KDM4B: variants seen among roughly 807,000 people sequenced by gnomAD.
KDM4B encodes lysine-specific demethylase 4B.
In KDM4B, 32 loss-of-function variants were observed where a neutral mutation model predicts 125.2. That is an observed-to-expected ratio of 0.26 (90% CI 0.19 to 0.34). KDM4B has a LOEUF of 0.34. Ranked by LOEUF, KDM4B falls within the 10% of genes least tolerant of loss-of-function variation. The pLI, the probability that KDM4B is intolerant of heterozygous loss-of-function variation, is 1.00. For synonymous variants in KDM4B, 721 were observed against 677.9 expected (o/e 1.06, Z -0.99); for missense variants, 1,190 against 1,577.7 (o/e 0.75, Z 4.16).
chr19:4,984,181 C>T lies in KDM4B; in HGVS notation c.-109+14951C>T, dbSNP rs968313984. The stretch of plus-strand genomic sequence containing the variant: ...AGGCTCCAGGCCAGCATCCACCGAG[C>T]GGAGGCTGAGGCCCCAATCCAGAGT... On this transcript the variant is annotated intron_variant, in intron 1 of 22. Coordinates refer to ENST00000159111, the MANE Select transcript of KDM4B (RefSeq NM_015015.3). Among the ~76,000 whole-genome samples, 24 of 152,168 alleles carry T rather than the reference C, an allele frequency of 1.6e-4. 1 individual carries two copies. The highest frequency in any genetic ancestry group is 1.3e-4 in the Admixed American group (2 of 15,272).
chr19:5,002,659 G>A (rs1055776348), intron 1 of KDM4B, among the ~76,000 whole-genome samples: 1 of 150,744 alleles, frequency 6.6e-6, no homozygotes, highest in Admixed American at 6.6e-5. Flanking sequence ...GCCACACCTG[G>A]CTAATTAAAA....
chr19:5,082,003 G>T lies in KDM4B; in HGVS notation c.781-364G>T, dbSNP rs958914229. On this transcript the variant is annotated intron_variant, in intron 8 of 22. Transcript: ENST00000159111. This position sits in a 1 kb window ranked among gnomAD's most constrained non-coding sequence, Gnocchi z 5.4. ...GAGGCCCCCATCGCTCCCCATGAAGGTCCGGCTGGAGACACCCCCACGGGC... is the reference window on the plus strand; with the variant it reads ...GAGGCCCCCATCGCTCCCCATGAAGTTCCGGCTGGAGACACCCCCACGGGC... 6.6e-5 allele frequency among the ~76,000 whole-genome samples: 10 copies of T among 152,102 alleles called. No individual in the cohort carries two copies. The highest frequency in any genetic ancestry group is 2.4e-4 in the African/African-American group (10 of 41,426).
chr19:5,060,446 AAAAAAAAAAAAAAAAAAG>A (rs1391600964), intron 6 of KDM4B, among the ~76,000 whole-genome samples: 23 of 141,482 alleles, frequency 1.6e-4, no homozygotes, highest in South Asian at 2.3e-4. Context: ...AAAAAAAAAA[AAAAAAAAAAAAAAAAAAG>A]GGAGCCATGA....
intron 21 of KDM4B, among the ~76,000 whole-genome samples, chr19:5,147,155 A>G (rs1181061525): frequency 6.6e-6 from 1 of 152,116 alleles, no homozygotes; most frequent in East Asian, 1.9e-4. Flanking sequence ...TCCAGAGATC[A>G]GGCTGAGCAT....
At chr19:5,009,235 G>C (rs1454636870) in intron 1 of KDM4B, among the ~76,000 whole-genome samples, 1 of 152,044 alleles carries the variant, frequency 6.6e-6, no homozygotes, top group African/African-American at 2.4e-5. Flanking sequence ...TTCCTTTATT[G>C]AGCCATGCCA....
intron 15 of KDM4B, 138 bp downstream of exon 15, chr19:5,135,699 G>A (rs1462738235): frequency 2.8e-6 from 2 of 706,314 alleles, no homozygotes; most frequent in Non-Finnish European, 4.6e-6. Context: ...GGCCAGGGCA[G>A]GGGCCTCCCC....
At chr19:5,106,707 C>G (rs1458397723) in intron 9 of KDM4B, among the ~76,000 whole-genome samples, 1 of 152,224 alleles carries the variant, frequency 6.6e-6, no homozygotes, top group Non-Finnish European at 1.5e-5. Flanking sequence ...AGGCTGCCCC[C>G]TGACATGAGC....
intron 1 of KDM4B, among the ~76,000 whole-genome samples, chr19:4,972,514 G>T (rs947206292): frequency 6.6e-6 from 1 of 152,152 alleles, no homozygotes; most frequent in Non-Finnish European, 1.5e-5. Context: ...TGGCGGGGCT[G>T]TCCTGGGCAC....
chr19:5,151,856 G>C lies in KDM4B; in HGVS notation c.*345G>C, dbSNP rs991604202. 4.3e-4 allele frequency: 111 copies of C among 257,348 alleles called. No individual in the cohort carries two copies. Among genetic ancestry groups the C allele is most frequent in the Non-Finnish European group, 6.3e-4 (86 of 136,512 alleles). The allele number at this position is 257,348 out of a possible 1,614,324, so 15.9% of individuals were successfully genotyped here. A position where few individuals can be genotyped will look rare whatever the true frequency, so the allele number is the denominator to read the frequency against. On this transcript the variant is annotated 3_prime_UTR_variant, in exon 23 of 23. Coordinates refer to ENST00000159111, the MANE Select transcript of KDM4B (RefSeq NM_015015.3). ...TCTGTACATAAACCACCTTTGTGAG[G>C]CTCTTTCTATAAATACATATTGTTT... is the stretch of plus-strand genomic sequence containing the variant.
chr19:5,054,764 C>T (rs1223496609), intron 6 of KDM4B, among the ~76,000 whole-genome samples: 8 of 152,210 alleles, frequency 5.3e-5, no homozygotes, highest in Non-Finnish European at 7.3e-5. Flanking sequence ...GTCCAGGCTG[C>T]GGCCAGGAGG....
intron 21 of KDM4B, among the ~76,000 whole-genome samples, chr19:5,147,320 G>A (rs951464036): frequency 1.3e-5 from 2 of 152,230 alleles, no homozygotes; most frequent in Non-Finnish European, 2.9e-5. Flanking sequence ...CACAGAAGAG[G>A]CGCTGACGCA....
intron 6 of KDM4B, among the ~76,000 whole-genome samples, chr19:5,057,102 C>T (rs1276266984): frequency 2.0e-5 from 3 of 151,572 alleles, no homozygotes; most frequent in African/African-American, 7.3e-5. Flanking sequence ...GACTCTCCGG[C>T]TGTCCCCTGT....
At position 5,132,040 on chromosome 19, in the gene KDM4B, A is replaced by T. The variant is rs2620839; in HGVS notation, c.1906+33A>T. ...GGGGGTCCCCAGGTCGGCTCTCATC[A>T]GCCCTGCTCCGCGCTCTGCTGCTGC... On this transcript the variant is annotated intron_variant, in intron 13 of 22. Coordinates refer to ENST00000159111, the MANE Select transcript of KDM4B (RefSeq NM_015015.3). 4 of 1,569,452 alleles carry T rather than the reference A, an allele frequency of 2.5e-6. No individual in the cohort carries two copies. The African/African-American group carries it at 5.4e-5, about 21-fold the overall frequency.
chr19:5,042,686 G>A (rs577878314), intron 5 of KDM4B, among the ~76,000 whole-genome samples: 4 of 151,672 alleles, frequency 2.6e-5, no homozygotes, highest in Admixed American at 2.6e-4. Context: ...GAGTGAGGGG[G>A]GGGGCGCCGT....
At chr19:5,030,996 C>T (rs1474952419) in intron 2 of KDM4B, among the ~76,000 whole-genome samples, 1 of 152,258 alleles carries the variant, frequency 6.6e-6, no homozygotes, top group African/African-American at 2.4e-5. Flanking sequence ...GGTGCCTTGG[C>T]AGCTCCCATC....
intron 6 of KDM4B, among the ~76,000 whole-genome samples, chr19:5,048,699 G>A (rs905724100): frequency 3.3e-5 from 5 of 152,240 alleles, no homozygotes; most frequent in African/African-American, 4.8e-5. Context: ...CGTCCGAAGC[G>A]CAGATGGAGC....
intron 9 of KDM4B, among the ~76,000 whole-genome samples, chr19:5,095,586 A>AGCCTCGGTGCTGGACGCCCCCAC (rs1194304034): frequency 6.6e-6 from 1 of 152,222 alleles, no homozygotes; most frequent in Non-Finnish European, 1.5e-5. Flanking sequence ...GGGGCCCACG[A>AGCCTCGGTGCTGGACGCCCCCAC]GCCTCGGTGC....
At chr19:5,128,393 C>T (rs760288077) in intron 11 of KDM4B, among the ~76,000 whole-genome samples, 3 of 151,972 alleles carry the variant, frequency 2.0e-5, no homozygotes, top group Non-Finnish European at 2.9e-5. Context: ...CAGCCCCTGC[C>T]CTTGAAGTTG....
intron 11 of KDM4B, among the ~76,000 whole-genome samples, chr19:5,128,124 C>T (rs1327628326): frequency 6.6e-6 from 1 of 151,710 alleles, no homozygotes; most frequent in African/African-American, 2.4e-5. Flanking sequence ...GTGAGGACAG[C>T]CCGGCTCTGT....
Sources: allele counts gnomAD v4.1 joint callset (sites outside exome capture counted in the v4.1 genomes callset), GRCh38; gene constraint gnomAD v4.1.1; non-coding constraint Gnocchi (gnomAD v3.1); transcripts MANE v1.5; gene names NCBI Gene and HGNC (gene_info 2026-07-23, HGNC 2026-07-21).